RASSF3: variants seen among roughly 807,000 people sequenced by gnomAD.
The protein encoded by RASSF3 is ras association domain-containing protein 3.
A neutral mutation model predicts 19.9 loss-of-function variants in RASSF3; 19 were observed. The ratio of observed to expected loss-of-function variants is 0.96; its 90% CI spans 0.67 to 1.40. The LOEUF is 1.40. RASSF3 is among the 40% of genes most tolerant of loss of function. The pLI, the probability that RASSF3 is intolerant of heterozygous loss-of-function variation, is 0.00. For synonymous variants in RASSF3, 110 were observed against 104.2 expected (o/e 1.06, Z -0.34); for missense variants, 306 against 289.8 (o/e 1.06, Z -0.41).
chr12:64,619,224 A>C (rs571094641), intron 1 of RASSF3, among the ~76,000 whole-genome samples: 1 of 152,076 alleles, frequency 6.6e-6, no homozygotes, highest in East Asian at 1.9e-4. Flanking sequence ...TTTCTTTGTG[A>C]AGGGGAACTT....
intron 1 of RASSF3, among the ~76,000 whole-genome samples, chr12:64,621,855 A>G (rs1283501308): frequency 6.6e-6 from 1 of 152,232 alleles, no homozygotes; most frequent in East Asian, 1.9e-4. Context: ...TGTAGTTACA[A>G]CATGGGAAAG....
chr12:64,586,416 G>A (rs910648586), intron 2 of RASSF3, among the ~76,000 whole-genome samples: 2 of 148,746 alleles, frequency 1.3e-5, no homozygotes, highest in African/African-American at 5.0e-5. Context: ...CTTAAACCTG[G>A]GAGGCAGAGG....
At chr12:64,618,199 C>T (rs941926221) in intron 1 of RASSF3, among the ~76,000 whole-genome samples, 2 of 152,206 alleles carry the variant, frequency 1.3e-5, no homozygotes, top group Admixed American at 1.3e-4. Context: ...CCTATAGCCT[C>T]GAACTCCTGG....
intron 1 of RASSF3, among the ~76,000 whole-genome samples, chr12:64,657,503 A>G (rs1872201787): frequency 6.6e-6 from 1 of 152,200 alleles, no homozygotes; most frequent in African/African-American, 2.4e-5. Flanking sequence ...GATGAAAAGA[A>G]AGGGTGGGAC....
rs1319873554 is a variant in RASSF3 at position 64,684,852 on chromosome 12, T to G, written c.177T>G (p.His59Gln). The G allele has an allele frequency of 3.1e-6, 5 of 1,613,586 alleles. No homozygotes were observed. The highest frequency in any genetic ancestry group is 4.2e-6 in the Non-Finnish European group (5 of 1,179,608). The change falls in exon 2 of 5, where the codon CAT becomes CAG. Residue 59 changes from histidine (H) to glutamine (Q), a missense_variant. Physicochemically the swap from His to Gln is conservative, Grantham distance 24 (BLOSUM62 0). Coordinates refer to ENST00000542104, the MANE Select transcript of RASSF3 (RefSeq NM_178169.4). Reference protein sequence around the residue: ...LSKEEIKEKVHKYNLAVTDKL... With the variant: ...LSKEEIKEKVQKYNLAVTDKL... ...AAGAGGAGATCAAAGAGAAAGTTCA[T>G]AAATACAACTTAGCAGTCACAGACA...
chr12:64,613,872 C>T (rs1446841025), intron 1 of RASSF3, among the ~76,000 whole-genome samples: 11 of 151,950 alleles, frequency 7.2e-5, no homozygotes, highest in Non-Finnish European at 1.2e-4. Context: ...TGCTTAAGGC[C>T]GGGAGGCAGA....
chr12:64,694,780 T>C lies in RASSF3; in HGVS notation c.585T>C (p.Leu195=). 6.2e-7 allele frequency: 1 copy of C among 1,614,180 alleles called. No homozygotes were observed. Among genetic ancestry groups the C allele is most frequent in the Middle Eastern group, 1.6e-4 (1 of 6,062 alleles). The change falls in exon 5 of 5, where the codon CTT becomes CTC. Residue 195 remains leucine, a synonymous_variant. Coordinates refer to ENST00000542104, the MANE Select transcript of RASSF3 (RefSeq NM_178169.4). ...HEIGEWEAFS[L]PELQNFLRIL... ...CCTGACAGTGGGAAGCCTTCAGCCT[T>C]CCAGAACTACAGAATTTCTTGCGCA...
intron 1 of RASSF3, among the ~76,000 whole-genome samples, chr12:64,660,060 A>G (rs1268519802): frequency 1.3e-5 from 2 of 149,706 alleles, no homozygotes; most frequent in African/African-American, 2.5e-5. Context: ...ATGTATATAT[A>G]TATGTGTGTG....
intron 2 of RASSF3, among the ~76,000 whole-genome samples, chr12:64,588,709 ATC>A (rs1258974315): frequency 6.6e-6 from 1 of 152,146 alleles, no homozygotes; most frequent in Non-Finnish European, 1.5e-5. Flanking sequence ...TGCATTAGTT[ATC>A]TTTAAATAAA....
chr12:64,691,654 T>G, intron 4 of RASSF3, 75 bp downstream of exon 4: 2 of 385,364 alleles, frequency 5.2e-6, no homozygotes, highest in East Asian at 1.2e-4. Flanking sequence ...CCTAGTGACT[T>G]GGCTATTGAT....
intron 1 of RASSF3, among the ~76,000 whole-genome samples, chr12:64,614,916 C>CT (rs1870500712): frequency 6.6e-6 from 1 of 151,766 alleles, no homozygotes; most frequent in African/African-American, 2.4e-5. Context: ...CCAGGCTGGT[C>CT]TTGAACTTCT....
intron 1 of RASSF3, among the ~76,000 whole-genome samples, chr12:64,642,899 T>C: frequency 6.6e-6 from 1 of 150,852 alleles, no homozygotes; most frequent in Non-Finnish European, 1.5e-5. Flanking sequence ...GGAGTCTCAC[T>C]CTGTTGCCCA....
chr12:64,604,869 C>T (rs1870159926), intron 2 of RASSF3, among the ~76,000 whole-genome samples: 1 of 152,174 alleles, frequency 6.6e-6, no homozygotes, highest in African/African-American at 2.4e-5. Flanking sequence ...TTGTGATCCG[C>T]CCGCCTCGGC....
At chr12:64,690,977 C>G (rs559469942) in intron 3 of RASSF3, among the ~76,000 whole-genome samples, 1 of 152,134 alleles carries the variant, frequency 6.6e-6, no homozygotes, top group Non-Finnish European at 1.5e-5. Context: ...TCTCCTGCCT[C>G]GGCCTCCCAA....
intron 1 of RASSF3, among the ~76,000 whole-genome samples, chr12:64,671,109 G>T (rs1448246991): frequency 1.3e-5 from 2 of 152,114 alleles, no homozygotes; most frequent in Non-Finnish European, 2.9e-5. Context: ...CTGTGCTGGG[G>T]ACTCTCCCTT....
chr12:64,684,060 A>G (rs1167188497), intron 1 of RASSF3, among the ~76,000 whole-genome samples: 2 of 150,350 alleles, frequency 1.3e-5, no homozygotes, highest in African/African-American at 4.9e-5. Context: ...TGCAAGAACA[A>G]TAAGGTTCTT....
At chr12:64,516,998 CAAAAAAAAAAAAA>C (rs371430838) in intron 1 of RASSF3, among the ~76,000 whole-genome samples, 1,411 of 52,010 alleles carry the variant, frequency 0.027, 28 homozygotes, top group Non-Finnish European at 0.04. Context: ...AAATCTGTCT[CAAAAAAAAAAAAA>C]AAAAAAAAAA....
At chr12:64,519,059 A>G (rs1868415879) in intron 1 of RASSF3, among the ~76,000 whole-genome samples, 1 of 152,164 alleles carries the variant, frequency 6.6e-6, no homozygotes, top group African/African-American at 2.4e-5. Context: ...GCATGGGTAT[A>G]TGATTTGAAG....
chr12:64,657,904 A>T (rs1401541076), intron 1 of RASSF3, among the ~76,000 whole-genome samples: 1 of 152,042 alleles, frequency 6.6e-6, no homozygotes, highest in African/African-American at 2.4e-5. Context: ...GCGAGACCTC[A>T]TCTCTACAAA....
Sources: allele counts gnomAD v4.1 joint callset (sites outside exome capture counted in the v4.1 genomes callset), GRCh38; gene constraint gnomAD v4.1.1; transcripts MANE v1.5; gene names NCBI Gene and HGNC (gene_info 2026-07-23, HGNC 2026-07-21).